Variants in GRK3 observed in about 807,000 individuals in gnomAD.
GRK3 encodes adrenergic, beta, receptor kinase 2.
Under a neutral mutation model 95.7 loss-of-function variants are expected in GRK3, and 54 were observed. That is an observed-to-expected ratio of 0.56 (90% CI 0.45 to 0.71). The LOEUF (loss-of-function observed/expected upper bound fraction) is 0.71. Among genes scored for constraint, GRK3 ranks in the 30% least tolerant of loss-of-function variants. GRK3 has a pLI of 0.00. For synonymous variants in GRK3, 281 were observed against 290.8 expected, an observed-to-expected ratio of 0.97 and a Z score of 0.34; for missense variants, 649 against 851.2, an observed-to-expected ratio of 0.76 and a Z score of 2.96.
chr22:25,651,403 A>T (rs1217176528), intron 3 of GRK3, among the ~76,000 whole-genome samples: 2 of 152,200 alleles, frequency 1.3e-5, no homozygotes, highest in Non-Finnish European at 2.9e-5. Context: ...TCAAATTCAA[A>T]CCATTTTAAA....
intron 9 of GRK3, among the ~76,000 whole-genome samples, chr22:25,684,340 T>C (rs2085097165): frequency 6.6e-6 from 1 of 152,246 alleles, no homozygotes; most frequent in Non-Finnish European, 1.5e-5. Context: ...TCCTTGACTG[T>C]TTACATTTAC....
intron 3 of GRK3, among the ~76,000 whole-genome samples, chr22:25,655,567 T>C (rs756341114): frequency 7.9e-5 from 12 of 152,198 alleles, no homozygotes; most frequent in Non-Finnish European, 1.8e-4. Flanking sequence ...ATGCCTACCA[T>C]GTGCCTGCTG....
At chr22:25,622,107 A>G (rs2084590506) in intron 2 of GRK3, among the ~76,000 whole-genome samples, 1 of 152,238 alleles carries the variant, frequency 6.6e-6, no homozygotes, top group African/African-American at 2.4e-5. Flanking sequence ...AATGAAATCA[A>G]AACTGACCCC....
chr22:25,672,328 A>G lies in GRK3; in HGVS notation c.536A>G (p.Asn179Ser). 1 of 1,479,006 alleles carries G rather than the reference A, an allele frequency of 6.8e-7. No individual in the cohort carries two copies. The highest frequency in any genetic ancestry group is 1.2e-5 in the South Asian group (1 of 82,142). The allele number at this position is 1,479,006 out of a possible 1,614,324, so 91.6% of individuals were successfully genotyped here. ...DKFTRFCQWK[N>S]VELNIHLTMN... ...TTCACTAGATTTTGTCAGTGGAAAA[A>G]CGTTGAATTAAATATCCATGTGAGT... Residue 179 changes from asparagine (N) to serine (S), a missense_variant, in exon 7 of 21, where the codon AAC (asparagine) becomes AGC (serine). Around this residue, in one of 3 missense-constraint regions of GRK3, gnomAD observed 206 missense variants for 231.4 expected, o/e 0.89. Transcript: ENST00000324198.
chr22:25,689,275 T>C (rs2085146409), intron 11 of GRK3, among the ~76,000 whole-genome samples: 1 of 152,232 alleles, frequency 6.6e-6, no homozygotes, highest in Admixed American at 6.5e-5. Flanking sequence ...AAACACATGC[T>C]GACGGCCCAT....
At chr22:25,688,634 A>G (rs1036778363) in intron 11 of GRK3, among the ~76,000 whole-genome samples, 1 of 152,124 alleles carries the variant, frequency 6.6e-6, no homozygotes, top group Non-Finnish European at 1.5e-5. Context: ...CCTCTGTGAG[A>G]GCTCACTCAC....
At chr22:25,609,705 A>G (rs2084481432) in intron 2 of GRK3, among the ~76,000 whole-genome samples, 1 of 152,178 alleles carries the variant, frequency 6.6e-6, no homozygotes, top group Non-Finnish European at 1.5e-5. Context: ...ATAATATTAT[A>G]TCACATACTG....
intron 3 of GRK3, among the ~76,000 whole-genome samples, chr22:25,650,029 T>C (rs1314567932): frequency 6.6e-6 from 1 of 151,996 alleles, no homozygotes; most frequent in Non-Finnish European, 1.5e-5. Context: ...TCTTACCCTG[T>C]TGCCCAGGCT....
At position 25,647,672 on chromosome 22, in the gene GRK3, G is replaced by A. The variant is rs150970068; in HGVS notation, c.264+3007G>A. On this transcript the variant is annotated intron_variant, in intron 3 of 20. Transcript: ENST00000324198. ...TGGGAAGCAAGATCAATCACTACAG[G>A]AAAGAATGGTTATATCCTGAGCAGT... 8,945 of 1,402,566 alleles carry A rather than the reference G, an allele frequency of 6.4e-3. 38 individuals carry two copies. The highest frequency in any genetic ancestry group is 7.0e-3 in the Non-Finnish European group (6,934 of 989,510). 86.9% of individuals were successfully genotyped at this position (1,402,566 alleles called of 1,614,324 possible). A position where few individuals can be genotyped will look rare whatever the true frequency, so the allele number is the denominator to read the frequency against.
At position 25,667,820 on chromosome 22, in the gene GRK3, T is replaced by G; in HGVS notation, c.503+20T>G. ...GGAAAGGTATGAAACTTTATGCATA[T>G]ATATACACAATTTTTTATCATGTAC... On this transcript the variant is annotated intron_variant, in intron 6 of 20. Transcript: ENST00000324198. 2 of 1,462,064 alleles carry G rather than the reference T, an allele frequency of 1.4e-6. No individual in the cohort carries two copies. The highest frequency in any genetic ancestry group is 1.9e-6 in the Non-Finnish European group (2 of 1,044,054). The allele number at this position is 1,462,064 out of a possible 1,614,324, so 90.6% of individuals were successfully genotyped here. A position where few individuals can be genotyped will look rare whatever the true frequency, so the allele number is the denominator to read the frequency against.
At chr22:25,687,281 G>C (rs930572743) in intron 10 of GRK3, among the ~76,000 whole-genome samples, 21 of 152,236 alleles carry the variant, frequency 1.4e-4, no homozygotes, top group African/African-American at 4.6e-4. Flanking sequence ...ACTAGAAGCT[G>C]AGCTGTCAGC....
intron 13 of GRK3, among the ~76,000 whole-genome samples, chr22:25,696,711 A>G (rs1468119459): frequency 2.6e-5 from 4 of 152,226 alleles, no homozygotes; most frequent in Non-Finnish European, 5.9e-5. Context: ...GCTGAATTCT[A>G]CATTCCCCCA....
In GRK3 at chr22:25,564,888, G is replaced by C. The variant is rs1931383682; in HGVS notation, c.-153G>C. ...TGCGGCGCGCGCAGAGCGCTAGTGGGGCGCGCGGCGCGCGCGCGGGGCGGG... is the reference window on the plus strand; with the variant it reads ...TGCGGCGCGCGCAGAGCGCTAGTGGCGCGCGCGGCGCGCGCGCGGGGCGGG... On this transcript the variant is annotated 5_prime_UTR_variant, in exon 1 of 21. Coordinates refer to ENST00000324198, the MANE Select transcript of GRK3 (RefSeq NM_005160.4). 7.0e-6 allele frequency: 1 copy of C among 141,982 alleles called. No homozygotes were observed. The highest frequency in any genetic ancestry group is 2.2e-4 in the South Asian group (1 of 4,624). 8.8% of individuals were successfully genotyped at this position (141,982 alleles called of 1,614,324 possible). A position where few individuals can be genotyped will look rare whatever the true frequency, so the allele number is the denominator to read the frequency against.
intron 4 of GRK3, 133 bp from the exon 5 acceptor site, chr22:25,663,497 A>T: frequency 1.7e-6 from 1 of 582,360 alleles, no homozygotes; most frequent in South Asian, 2.8e-5. Context: ...TTTTTAAAGA[A>T]TGTTTGTTAA....
rs1282333895 is a variant in GRK3 at position 25,725,928 on chromosome 22, G to A, written c.*3478G>A. On this transcript the variant is annotated 3_prime_UTR_variant, in exon 21 of 21. Coordinates refer to ENST00000324198, the MANE Select transcript of GRK3 (RefSeq NM_005160.4). ...TGCGCCACTGCACTCCAGCCTGGGC[G>A]ACAGAGCGAGACTCTGTCTCAAAAA... The A allele has an allele frequency of 1.3e-5, 3 of 224,860 alleles. No homozygotes were observed. The highest frequency in any genetic ancestry group is 8.5e-5 in the East Asian group (1 of 11,830). The allele number at this position is 224,860 out of a possible 1,614,324, so 13.9% of individuals were successfully genotyped here.
At chr22:25,648,273 A>G in intron 3 of GRK3, 1 of 851,686 alleles carries the variant, frequency 1.2e-6, no homozygotes, top group Non-Finnish European at 2.0e-6. Flanking sequence ...TAGATACTAT[A>G]TCACAACCAG....
At chr22:25,714,841 T>C (rs1051215475) in intron 18 of GRK3, among the ~76,000 whole-genome samples, 1 of 152,092 alleles carries the variant, frequency 6.6e-6, no homozygotes, top group South Asian at 2.1e-4. Flanking sequence ...TTTGGACGTT[T>C]TTTCCTTCCA....
At chr22:25,680,964 T>TA (rs1018697102) in intron 9 of GRK3, among the ~76,000 whole-genome samples, 3 of 151,772 alleles carry the variant, frequency 2.0e-5, no homozygotes, top group Non-Finnish European at 2.9e-5. Flanking sequence ...TTTTTTTTTT[T>TA]AATCTCAACT....
intron 17 of GRK3, 78 bp downstream of exon 17, chr22:25,711,241 G>T (rs1319077872): frequency 6.4e-6 from 6 of 940,564 alleles, no homozygotes; most frequent in South Asian, 5.1e-5. Context: ...CTTAGTGGTT[G>T]TTTTAATATT....
Sources: allele counts gnomAD v4.1 joint callset (sites outside exome capture counted in the v4.1 genomes callset), GRCh38; gene constraint gnomAD v4.1.1; regional missense constraint gnomAD v4.1.1; transcripts MANE v1.5; gene names NCBI Gene and HGNC (gene_info 2026-07-23, HGNC 2026-07-21).